The following CERS6 variants were observed in gnomAD, a reference collection of about 807,000 sequenced individuals.
CERS6 encodes the protein ceramide synthase 6, also known as LAG1 homolog, ceramide synthase 6.
In CERS6, 26 loss-of-function variants were observed where a neutral mutation model predicts 56.8. The observed-to-expected ratio is 0.46, with a 90% CI of 0.34 to 0.63. The LOEUF (loss-of-function observed/expected upper bound fraction) is 0.63, where lower values mean the gene tolerates loss of function less well. Among genes scored for constraint, CERS6 ranks in the 30% least tolerant of loss-of-function variants. The pLI, the probability that CERS6 is intolerant of heterozygous loss-of-function variation, is 0.01. For missense variants in CERS6, 415 were observed against 467.5 expected (o/e 0.89, Z 1.04); for synonymous variants, 164 against 173.3 (o/e 0.95, Z 0.42).
At chr2:168,601,772 ACTC>A (rs1683938711) in intron 3 of CERS6, among the ~76,000 whole-genome samples, 1 of 151,060 alleles carries the variant, frequency 6.6e-6, no homozygotes, top group South Asian at 2.1e-4. Context: ...TTGTTCTTGA[ACTC>A]CTGACATCAG....
intron 3 of CERS6, among the ~76,000 whole-genome samples, chr2:168,613,616 T>G (rs1684239642): frequency 6.6e-6 from 1 of 152,192 alleles, no homozygotes; most frequent in African/African-American, 2.4e-5. Context: ...GAAGAGACAC[T>G]TAAACTTGCC....
intron 3 of CERS6, among the ~76,000 whole-genome samples, chr2:168,626,475 G>T (rs993195933): frequency 9.2e-5 from 14 of 152,232 alleles, no homozygotes; most frequent in African/African-American, 3.4e-4. Context: ...TAGTAGTCTT[G>T]ATTTTAACAA....
At chr2:168,717,255 A>G (rs150896487) in intron 7 of CERS6, among the ~76,000 whole-genome samples, 68 of 152,308 alleles carry the variant, frequency 4.5e-4, no homozygotes, top group African/African-American at 1.6e-3. Flanking sequence ...TGAAAATTCT[A>G]CCTAAATGGA....
At chr2:168,648,465 A>C (rs1406153626) in intron 4 of CERS6, among the ~76,000 whole-genome samples, 1 of 152,028 alleles carries the variant, frequency 6.6e-6, no homozygotes, top group East Asian at 1.9e-4. Flanking sequence ...ATTTTTTCCA[A>C]AGAACCAACT....
rs149563209 is a variant in CERS6, at chr2:168,727,212, A to T, written c.845+9234A>T. Among the ~76,000 whole-genome samples, 34 of 152,110 alleles carry T rather than the reference A, an allele frequency of 2.2e-4. No individual in the cohort carries two copies. The East Asian group carries it at 6.4e-3, about 29-fold the overall frequency. On this transcript the variant is annotated intron_variant, in intron 8 of 9. Transcript: ENST00000305747. ...TGCTCTGTTCACTGAAAAGTAGGGG[A>T]ATTATCTGTGGATTTGTTCTCTCTG...
chr2:168,682,061 A>G (rs980431600), intron 4 of CERS6, among the ~76,000 whole-genome samples: 2 of 152,232 alleles, frequency 1.3e-5, no homozygotes, highest in South Asian at 2.1e-4. Flanking sequence ...GGCTATTGTG[A>G]ATAGTGCTAC....
At chr2:168,649,504 T>C (rs1043330936) in intron 4 of CERS6, among the ~76,000 whole-genome samples, 7 of 152,200 alleles carry the variant, frequency 4.6e-5, no homozygotes, top group Non-Finnish European at 8.8e-5. Flanking sequence ...GCCTTTAAAG[T>C]ATTTAATTTC....
intron 8 of CERS6, among the ~76,000 whole-genome samples, chr2:168,754,009 G>A (rs1038901636): frequency 1.3e-5 from 2 of 152,142 alleles, no homozygotes; most frequent in Non-Finnish European, 2.9e-5. Context: ...ATGCGGGGGC[G>A]GGGTATGGAA....
At chr2:168,748,195 G>T (rs185343386) in intron 8 of CERS6, among the ~76,000 whole-genome samples, 16 of 152,240 alleles carry the variant, frequency 1.1e-4, no homozygotes, top group Admixed American at 7.2e-4. Context: ...CCAATTTAAG[G>T]TATGGCCTTG....
At chr2:168,671,640 C>A (rs1685920253) in intron 4 of CERS6, among the ~76,000 whole-genome samples, 2 of 152,154 alleles carry the variant, frequency 1.3e-5, no homozygotes, top group African/African-American at 4.8e-5. Flanking sequence ...TTTGCTGGCA[C>A]AGTAGCTACA....
chr2:168,596,889 A>C (rs974841873), intron 3 of CERS6, among the ~76,000 whole-genome samples: 1 of 152,214 alleles, frequency 6.6e-6, no homozygotes, highest in Non-Finnish European at 1.5e-5. Flanking sequence ...CTTAGAGTTC[A>C]TGAAACTTTT....
intron 1 of CERS6, among the ~76,000 whole-genome samples, chr2:168,541,861 T>A (rs945906747): frequency 6.6e-6 from 1 of 152,220 alleles, no homozygotes; most frequent in Non-Finnish European, 1.5e-5. Flanking sequence ...TCTTTGGCAT[T>A]GTCTCTTCTA....
chr2:168,762,664 C>G (rs1684616056), intron 8 of CERS6, among the ~76,000 whole-genome samples: 1 of 152,072 alleles, frequency 6.6e-6, no homozygotes, highest in South Asian at 2.1e-4. Flanking sequence ...AGGTATTATT[C>G]TTTTAATGAC....
intron 1 of CERS6, among the ~76,000 whole-genome samples, chr2:168,461,459 CAAA>C (rs397869323): frequency 1.0e-4 from 8 of 79,036 alleles, no homozygotes; most frequent in Admixed American, 1.5e-4. Flanking sequence ...GACCCTGTCT[CAAA>C]AAAAAAAAAA....
intron 4 of CERS6, among the ~76,000 whole-genome samples, chr2:168,680,540 A>T (rs1004345016): frequency 3.3e-5 from 5 of 151,814 alleles, no homozygotes; most frequent in Admixed American, 3.3e-4. Context: ...GCCCCTCCTC[A>T]TGGAGCCTTC....
chr2:168,598,981 C>T (rs1187444702), intron 3 of CERS6, among the ~76,000 whole-genome samples: 1 of 152,162 alleles, frequency 6.6e-6, no homozygotes, highest in Non-Finnish European at 1.5e-5. Flanking sequence ...GTGGTAATAA[C>T]AGCACTTGAC....
chr2:168,519,391 G>A (rs1272786881), intron 1 of CERS6, among the ~76,000 whole-genome samples: 1 of 152,038 alleles, frequency 6.6e-6, no homozygotes, highest in Admixed American at 6.6e-5. Context: ...TAAAATCTTA[G>A]ATTCAAGGGA....
chr2:168,496,272 C>G (rs1051648122), intron 1 of CERS6, among the ~76,000 whole-genome samples: 1 of 151,962 alleles, frequency 6.6e-6, no homozygotes, highest in African/African-American at 2.4e-5. Flanking sequence ...CATTTGATAC[C>G]TGTACAATGA....
chr2:168,546,637 C>T (rs1695470638), intron 1 of CERS6, among the ~76,000 whole-genome samples: 1 of 152,084 alleles, frequency 6.6e-6, no homozygotes, highest in Non-Finnish European at 1.5e-5. Context: ...GTCTGTTTTG[C>T]ATATTTATCA....
Sources: allele counts gnomAD v4.1 joint callset (sites outside exome capture counted in the v4.1 genomes callset), GRCh38; gene constraint gnomAD v4.1.1; transcripts MANE v1.5; gene names NCBI Gene and HGNC (gene_info 2026-07-23, HGNC 2026-07-21).